The following TMEM178B variants were observed in gnomAD, a reference collection of about 807,000 sequenced individuals.
The protein encoded by TMEM178B is transmembrane protein 178B.
TMEM178B carries 5 observed loss-of-function variants against 31.0 expected under a neutral mutation model. The ratio of observed to expected loss-of-function variants is 0.16; its 90% CI spans 0.08 to 0.34. TMEM178B has a LOEUF of 0.34. Among genes scored for constraint, TMEM178B ranks in the 10% least tolerant of loss-of-function variants. TMEM178B has a pLI of 1.00. For synonymous variants in TMEM178B, 164 were observed against 164.0 expected (o/e 1.00, Z 0.00); for missense variants, 275 against 400.3 (o/e 0.69, Z 2.67).
chr7:141,367,500 C>G (rs928724871), intron 2 of TMEM178B, among the ~76,000 whole-genome samples: 2 of 152,100 alleles, frequency 1.3e-5, no homozygotes, highest in Admixed American at 1.3e-4. Context: ...GTCTGGAACT[C>G]CAGACCTCAT....
chr7:141,151,839 AG>A (rs1318910263), intron 1 of TMEM178B, among the ~76,000 whole-genome samples: 2 of 152,032 alleles, frequency 1.3e-5, no homozygotes, highest in African/African-American at 4.8e-5. Flanking sequence ...AGTCAGCTAC[AG>A]GGGGGGTGCC....
At chr7:141,295,029 T>C (rs552489960) in intron 2 of TMEM178B, among the ~76,000 whole-genome samples, 1 of 152,254 alleles carries the variant, frequency 6.6e-6, no homozygotes, top group East Asian at 1.9e-4. Flanking sequence ...GCTTGGGGCT[T>C]GCTGCCCTCA....
intron 2 of TMEM178B, among the ~76,000 whole-genome samples, chr7:141,260,145 T>C (rs1797989178): frequency 6.6e-6 from 1 of 150,572 alleles, no homozygotes; most frequent in Admixed American, 6.6e-5. Context: ...CCTCATTTAT[T>C]TGCCACCGAG....
intron 1 of TMEM178B, among the ~76,000 whole-genome samples, chr7:141,132,155 G>A (rs1409872673): frequency 6.6e-6 from 1 of 152,124 alleles, no homozygotes; most frequent in Admixed American, 6.5e-5. Flanking sequence ...TGGATTCAGT[G>A]TTCTCTGCTT....
intron 1 of TMEM178B, among the ~76,000 whole-genome samples, chr7:141,114,535 A>T (rs1323949966): frequency 2.0e-5 from 3 of 152,232 alleles, no homozygotes; most frequent in Non-Finnish European, 4.4e-5. Flanking sequence ...TGTCAGGCCA[A>T]CACTTGACCA....
At chr7:141,201,366 T>A (rs1284558351) in intron 1 of TMEM178B, among the ~76,000 whole-genome samples, 1 of 152,058 alleles carries the variant, frequency 6.6e-6, no homozygotes, top group Non-Finnish European at 1.5e-5. Context: ...ACCTGGAGGA[T>A]GGCCAGTGTG....
chr7:141,119,492 ACT>A (rs570299493), intron 1 of TMEM178B, among the ~76,000 whole-genome samples: 16 of 152,060 alleles, frequency 1.1e-4, no homozygotes, highest in African/African-American at 2.9e-4. Flanking sequence ...CAGCATGTGT[ACT>A]CTCTCTGCCT....
At chr7:141,175,753 G>GCTCT in intron 1 of TMEM178B, among the ~76,000 whole-genome samples, 1 of 151,292 alleles carries the variant, frequency 6.6e-6, no homozygotes, top group African/African-American at 2.4e-5. Flanking sequence ...TCATGATTTG[G>GCTCT]CTGTTTGTCT....
rs1797379534 is a variant in TMEM178B at position 141,228,354 on chromosome 7, TC to T, written c.496+15651del. Among the ~76,000 whole-genome samples, 3 of 152,182 alleles carry T rather than the reference TC, an allele frequency of 2.0e-5. No homozygotes were observed. The South Asian group carries it at 6.2e-4, about 32-fold the overall frequency. On this transcript the variant is annotated intron_variant, in intron 2 of 3. Transcript: ENST00000565468. ...CACAATTCTCAACTTCACTAATTATTCACGAACTCAGATTTAAGATAGACTT... is the reference window on the plus strand; with the variant it reads ...CACAATTCTCAACTTCACTAATTATTACGAACTCAGATTTAAGATAGACTT...
intron 2 of TMEM178B, among the ~76,000 whole-genome samples, chr7:141,219,421 G>A (rs1056371841): frequency 2.0e-5 from 3 of 152,148 alleles, no homozygotes; most frequent in African/African-American, 7.2e-5. Flanking sequence ...CCAGTATGAG[G>A]CTCTTACTGT....
At chr7:141,292,624 G>A (rs1458698940) in intron 2 of TMEM178B, among the ~76,000 whole-genome samples, 1 of 140,428 alleles carries the variant, frequency 7.1e-6, no homozygotes, top group African/African-American at 2.6e-5. Flanking sequence ...CCTGAAGTTT[G>A]CTTTTAGATC....
chr7:141,409,703 A>G (rs575390089), intron 2 of TMEM178B, among the ~76,000 whole-genome samples: 5 of 151,898 alleles, frequency 3.3e-5, no homozygotes, highest in African/African-American at 7.2e-5. Context: ...CGCAAACACA[A>G]GTGCTTGTCC....
chr7:141,109,881 C>A (rs1795206646), intron 1 of TMEM178B, among the ~76,000 whole-genome samples: 2 of 152,006 alleles, frequency 1.3e-5, no homozygotes, highest in Admixed American at 1.3e-4. Context: ...TTCAAGGCTG[C>A]AGTGAGCTAT....
intron 2 of TMEM178B, among the ~76,000 whole-genome samples, chr7:141,351,382 C>T (rs370713105): frequency 7.3e-4 from 112 of 152,384 alleles, no homozygotes; most frequent in African/African-American, 1.2e-3. Flanking sequence ...TTAGCCGGAA[C>T]GGCTGGTCAC....
intron 2 of TMEM178B, among the ~76,000 whole-genome samples, chr7:141,433,309 A>G (rs533967732): frequency 3.9e-4 from 59 of 152,304 alleles, no homozygotes; most frequent in African/African-American, 1.3e-3. Flanking sequence ...CTGCTTAACA[A>G]CCAGATCCAA....
At chr7:141,376,549 T>G (rs1422216166) in intron 2 of TMEM178B, among the ~76,000 whole-genome samples, 1 of 152,198 alleles carries the variant, frequency 6.6e-6, no homozygotes, top group African/African-American at 2.4e-5. Flanking sequence ...TTGACAAACA[T>G]GTTTAACATT....
chr7:141,224,690 G>A (rs1304426395), intron 2 of TMEM178B, among the ~76,000 whole-genome samples: 1 of 152,220 alleles, frequency 6.6e-6, no homozygotes, highest in Non-Finnish European at 1.5e-5. Flanking sequence ...TCCCTGGGAA[G>A]TGGACTCAGA....
At chr7:141,232,787 C>T (rs1307421136) in intron 2 of TMEM178B, among the ~76,000 whole-genome samples, 1 of 152,122 alleles carries the variant, frequency 6.6e-6, no homozygotes, top group African/African-American at 2.4e-5. Context: ...CTACTTTTAC[C>T]AGCAGGCAGG....
chr7:141,090,433 G>A (rs1563084798), intron 1 of TMEM178B, among the ~76,000 whole-genome samples: 1 of 152,174 alleles, frequency 6.6e-6, no homozygotes, highest in Non-Finnish European at 1.5e-5. Flanking sequence ...TTTATCAGCA[G>A]TAATGTCCTC....
Sources: allele counts gnomAD v4.1 joint callset (sites outside exome capture counted in the v4.1 genomes callset), GRCh38; gene constraint gnomAD v4.1.1; transcripts MANE v1.5; gene names NCBI Gene and HGNC (gene_info 2026-07-23, HGNC 2026-07-21).